The following CFAP77 variants were observed in gnomAD, a reference collection of about 807,000 sequenced individuals.
CFAP77 encodes cilia- and flagella-associated protein 77.
A neutral mutation model predicts 31.1 loss-of-function variants in CFAP77; 25 were observed. The ratio of observed to expected loss-of-function variants is 0.80; its 90% confidence interval spans 0.59 to 1.12. The LOEUF (loss-of-function observed/expected upper bound fraction) is 1.12, where lower values mean the gene tolerates loss of function less well. CFAP77 is among the 50% of genes most tolerant of loss of function. The pLI is 0.00. For synonymous variants in CFAP77, 151 were observed against 159.9 expected (o/e 0.94, Z 0.42); for missense variants, 377 against 397.3 (o/e 0.95, Z 0.44).
intron 5 of CFAP77, 151 bp from the exon 6 acceptor site, chr9:132,572,237 G>A: frequency 1.0e-6 from 1 of 972,584 alleles, no homozygotes; most frequent in Non-Finnish European, 1.5e-6. Context: ...TCAGCACCAG[G>A]AGGCTCACAG....
intron 3 of CFAP77, among the ~76,000 whole-genome samples, chr9:132,512,568 C>T (rs1852058370): frequency 6.6e-6 from 1 of 152,174 alleles, no homozygotes; most frequent in Admixed American, 6.5e-5. Context: ...TATAATTTTA[C>T]AATGGCTTCC....
intron 3 of CFAP77, among the ~76,000 whole-genome samples, chr9:132,524,375 C>A (rs970801373): frequency 2.0e-5 from 3 of 151,436 alleles, no homozygotes; most frequent in Admixed American, 6.6e-5. Context: ...CCAAGGCGGG[C>A]GGATCACTTG....
chr9:132,551,878 G>T (rs1852825290), intron 5 of CFAP77, among the ~76,000 whole-genome samples: 1 of 152,236 alleles, frequency 6.6e-6, no homozygotes, highest in African/African-American at 2.4e-5. Context: ...GAAGGAAAGT[G>T]CAGGGCGGTC....
At chr9:132,453,102 A>G (rs1850854267) in intron 1 of CFAP77, among the ~76,000 whole-genome samples, 1 of 152,210 alleles carries the variant, frequency 6.6e-6, no homozygotes, top group African/African-American at 2.4e-5. Context: ...AACCTGGGGC[A>G]TGGACCTGAC....
intron 3 of CFAP77, among the ~76,000 whole-genome samples, chr9:132,523,392 C>T (rs930936597): frequency 6.6e-6 from 1 of 152,088 alleles, no homozygotes; most frequent in African/African-American, 2.4e-5. Context: ...CCCGACCTTC[C>T]AGTCTTTTTT....
chr9:132,421,796 A>G (rs1359567530), intron 1 of CFAP77: 1 of 152,262 alleles, frequency 6.6e-6, no homozygotes. Context: ...CTGGCACCAC[A>G]GTGAGGAGTT....
intron 5 of CFAP77, among the ~76,000 whole-genome samples, chr9:132,547,278 G>A (rs1270882071): frequency 1.3e-5 from 2 of 152,188 alleles, no homozygotes; most frequent in African/African-American, 4.8e-5. Context: ...CTACCTGTCA[G>A]GTGGCTTTAC....
intron 1 of CFAP77, among the ~76,000 whole-genome samples, chr9:132,440,219 C>T (rs1353189423): frequency 6.6e-6 from 1 of 151,988 alleles, no homozygotes; most frequent in Admixed American, 6.6e-5. Context: ...TGCCTGTAGT[C>T]CCAGCTACTT....
chr9:132,457,242 C>T (rs1303233884), intron 1 of CFAP77, among the ~76,000 whole-genome samples: 3 of 149,648 alleles, frequency 2.0e-5, no homozygotes, highest in South Asian at 2.1e-4. Flanking sequence ...CTCGCTCCCA[C>T]GCATGCCCGC....
intron 3 of CFAP77, among the ~76,000 whole-genome samples, chr9:132,500,644 C>G (rs1851825851): frequency 6.6e-6 from 1 of 152,094 alleles, no homozygotes; most frequent in Non-Finnish European, 1.5e-5. Flanking sequence ...AATCTGGCAC[C>G]CCAGAAACCT....
rs1348167208 is a variant in CFAP77 at position 132,554,667 on chromosome 9, T to C, written c.732+11620T>C. On this transcript the variant is annotated intron_variant, in intron 5 of 5. Coordinates refer to ENST00000393216, the MANE Select transcript of CFAP77 (RefSeq NM_001282957.2). This position sits in a 1 kb window ranked among gnomAD's most constrained non-coding sequence, Gnocchi z 4.1. The stretch of plus-strand genomic sequence containing the variant: ...ATACCTTGTTTCACCTTGCGTGCAA[T>C]CCGCCAGATACCTTCAAATCACTTG... 6.6e-6 allele frequency among the ~76,000 whole-genome samples: 1 copy of C among 152,296 alleles called. No homozygotes were observed. The highest frequency in any genetic ancestry group is 1.9e-4 in the East Asian group (1 of 5,188).
intron 1 of CFAP77, among the ~76,000 whole-genome samples, chr9:132,438,541 A>ATCTTT: frequency 9.2e-6 from 1 of 108,154 alleles, no homozygotes; most frequent in Non-Finnish European, 1.8e-5. Flanking sequence ...ATATATATAT[A>ATCTTT]TTTTTTTTTT....
At chr9:132,519,179 GGTGAATGA>G (rs1852200541) in intron 3 of CFAP77, among the ~76,000 whole-genome samples, 3 of 150,464 alleles carry the variant, frequency 2.0e-5, no homozygotes, top group East Asian at 2.0e-4. Context: ...TGGGTGGGTG[GGTGAATGA>G]ATGGATGGAT....
At chr9:132,471,051 A>G (rs1485157981) in intron 1 of CFAP77, among the ~76,000 whole-genome samples, 1 of 152,220 alleles carries the variant, frequency 6.6e-6, no homozygotes, top group Non-Finnish European at 1.5e-5. Context: ...AAAATAAATT[A>G]AAACACTTGT....
chr9:132,496,575 A>G (rs112998787), intron 1 of CFAP77, among the ~76,000 whole-genome samples: 3,464 of 152,334 alleles, frequency 0.023, 112 homozygotes, highest in African/African-American at 0.08. Flanking sequence ...ACATTTATGT[A>G]GATGGAATCA....
intron 4 of CFAP77, among the ~76,000 whole-genome samples, chr9:132,541,026 C>A (rs955826952): frequency 2.6e-5 from 4 of 152,168 alleles, no homozygotes; most frequent in Non-Finnish European, 5.9e-5. Context: ...GGCTACAAAC[C>A]CCCCAAACGC....
chr9:132,544,733 T>C (rs1026473268), intron 5 of CFAP77, among the ~76,000 whole-genome samples: 3 of 152,100 alleles, frequency 2.0e-5, no homozygotes, highest in African/African-American at 7.2e-5. Flanking sequence ...TGGCCTTAAG[T>C]GATCCTCCTG....
At chr9:132,456,385 T>C (rs1294433047) in intron 1 of CFAP77, among the ~76,000 whole-genome samples, 3 of 152,210 alleles carry the variant, frequency 2.0e-5, no homozygotes, top group African/African-American at 7.2e-5. Context: ...CAGCCAGCGC[T>C]TGACTCATTC....
At chr9:132,531,627 G>GC (rs60407761) in intron 3 of CFAP77, among the ~76,000 whole-genome samples, 2,418 of 144,342 alleles carry the variant, frequency 0.017, 110 homozygotes, top group African/African-American at 0.057. Flanking sequence ...CTAAGACATG[G>GC]GGGGGGGGGC....
Sources: gnomAD v4.1 joint callset for allele counts (sites outside exome capture counted in the v4.1 genomes callset) on GRCh38, gnomAD v4.1.1 for gene constraint, Gnocchi (gnomAD v3.1) non-coding constraint, MANE v1.5 for transcripts, NCBI Gene and HGNC (gene_info 2026-07-23, HGNC 2026-07-21) for gene names.